CCDC43: variants seen among roughly 807,000 people sequenced by gnomAD.
CCDC43 encodes the protein coiled-coil domain-containing protein 43.
Under a neutral mutation model 33.3 loss-of-function variants are expected in CCDC43, and 20 were observed. The ratio of observed to expected loss-of-function variants is 0.60; its 90% CI spans 0.42 to 0.87. The LOEUF (loss-of-function observed/expected upper bound fraction) is 0.87, where lower values mean the gene tolerates loss of function less well. Ranked by LOEUF, CCDC43 falls within the 40% of genes least tolerant of loss-of-function variation. The pLI is 0.00. For missense variants in CCDC43, 248 were observed against 269.9 expected (o/e 0.92, Z 0.57); for synonymous variants, 104 against 106.5 (o/e 0.98, Z 0.14).
At chr17:44,688,673 G>A (rs1972277420) in intron 1 of CCDC43, among the ~76,000 whole-genome samples, 1 of 152,164 alleles carries the variant, frequency 6.6e-6, no homozygotes, top group Non-Finnish European at 1.5e-5. Flanking sequence ...GATGATTCAA[G>A]TAAATTTTAT....
intron 4 of CCDC43, among the ~76,000 whole-genome samples, chr17:44,679,694 C>A (rs1163010573): frequency 2.0e-5 from 3 of 152,008 alleles, no homozygotes; most frequent in African/African-American, 4.8e-5. Context: ...GAGATCGAGA[C>A]CATCCTGGCT....
intron 1 of CCDC43, among the ~76,000 whole-genome samples, chr17:44,687,134 AT>A (rs1314104126): frequency 1.4e-4 from 21 of 148,840 alleles, no homozygotes; most frequent in Non-Finnish European, 1.8e-4. Context: ...ACAAAAAAAA[AT>A]TTTTTTTTTT....
At position 44,689,632 on chromosome 17, in the gene CCDC43, C is replaced by T. The variant is rs925128308; in HGVS notation, c.122G>A (p.Gly41Glu). The T allele has an allele frequency of 4.3e-6, 7 of 1,613,860 alleles. No individual in the cohort carries two copies. In the Admixed American group the frequency reaches 1.2e-4, roughly 27 times the overall value. ...CTGCAGGATACCCAAGATGTAGGCT[C>T]CATAAACGGCTCGGTCCACTCCCAG... ...EALGVDRAVY[G>E]AYILGILQEE... The change falls in exon 1 of 5, where the codon GGA (glycine) becomes GAA (glutamate). Residue 41 changes from glycine (G) to glutamate (E), a missense_variant. Gly to Glu is a moderately conservative substitution (Grantham distance 98). Transcript: ENST00000315286.
rs1229539271 is a variant in CCDC43, at chr17:44,677,704, TTAAAAATG to T, written c.*1144_*1151del. 6.6e-6 allele frequency: 1 copy of T among 152,236 alleles called. No homozygotes were observed. Among genetic ancestry groups the T allele is most frequent in the African/African-American group, 2.4e-5 (1 of 41,464 alleles). 9.4% of individuals were successfully genotyped at this position (152,236 alleles called of 1,614,324 possible). A position where few individuals can be genotyped will look rare whatever the true frequency, so the allele number is the denominator to read the frequency against. ...ACATATTTTTTTCTTTTATAACTCT[TTAAAAATG>T]TAAAAATCATTTTTAGTTTGCACCA... On this transcript the variant is annotated 3_prime_UTR_variant, in exon 5 of 5. Transcript: ENST00000315286.
rs780640096 is a variant in CCDC43 at position 44,689,583 on chromosome 17, C to T, written c.171G>A (p.Leu57=). 1.2e-6 allele frequency: 2 copies of T among 1,614,012 alleles called. No individual in the cohort carries two copies. The highest frequency in any genetic ancestry group is 1.7e-6 in the Non-Finnish European group (2 of 1,179,886). Residue 57 remains leucine (L), a synonymous_variant, in exon 1 of 5, where the codon CTG becomes CTA. Coordinates refer to ENST00000315286, the MANE Select transcript of CCDC43 (RefSeq NM_144609.3). The part of the protein sequence containing the change: ...ILQEEEEEEK[L]DALQGILSAF... ...CAGAGAGGATCCCCTGCAGAGCGTC[C>T]AGCTTCTCTTCTTCCTCCTCCTCCT...
intron 4 of CCDC43, among the ~76,000 whole-genome samples, chr17:44,679,976 C>T (rs1216771486): frequency 6.6e-6 from 1 of 151,688 alleles, no homozygotes; most frequent in Non-Finnish European, 1.5e-5. Flanking sequence ...AAAATTTCAA[C>T]ATTATTTTAT....
rs200950161 is a variant in CCDC43 at position 44,678,990 on chromosome 17, G to A, written c.541C>T (p.Arg181Ter). 9 of 1,613,356 alleles carry A rather than the reference G, an allele frequency of 5.6e-6. No individual in the cohort carries two copies. The highest frequency in any genetic ancestry group is 3.3e-5 in the South Asian group (3 of 91,034). The change falls in exon 5 of 5, where the codon CGA becomes TGA. Residue 181 changes from arginine (R) to a stop codon, truncating the protein, a stop_gained. Transcript: ENST00000315286. LOFTEE classifies it high-confidence loss of function. Reference sequence around the variant, plus strand: ...TGGGATTCATCCCGAAGTGAGTCTCGCTCCAGTTTTCGGGCATTAAGGACA... The same window carrying A: ...TGGGATTCATCCCGAAGTGAGTCTCACTCCAGTTTTCGGGCATTAAGGACA... ...EDVLNARKLE[R>*]DSLRDESQRK... is the part of the protein sequence containing the mutation.
At chr17:44,679,372 T>C (rs1271230433) in intron 4 of CCDC43, among the ~76,000 whole-genome samples, 9 of 152,192 alleles carry the variant, frequency 5.9e-5, no homozygotes, top group Non-Finnish European at 1.5e-5. Flanking sequence ...TAAGTACTTA[T>C]ATCATTCAAT....
intron 2 of CCDC43, 94 bp from the exon 3 acceptor site, chr17:44,682,232 T>A: frequency 6.1e-6 from 9 of 1,466,500 alleles, no homozygotes; most frequent in Non-Finnish European, 8.5e-6. Context: ...ACTGAAGACA[T>A]TGGCATCTGC....
In CCDC43 at chr17:44,678,137, C is replaced by G. The variant is rs1301529115; in HGVS notation, c.*719G>C. 1 of 152,570 alleles carries G rather than the reference C, an allele frequency of 6.6e-6. No individual in the cohort carries two copies. The highest frequency in any genetic ancestry group is 1.5e-5 in the Non-Finnish European group (1 of 68,028). The allele number at this position is 152,570 out of a possible 1,614,324, so 9.5% of individuals were successfully genotyped here. ...TATGGAAAAATCAGGATTAAAATCT[C>G]TACCAGCACACAAGAGGATACATGA... On this transcript the variant is annotated 3_prime_UTR_variant, in exon 5 of 5. Coordinates refer to ENST00000315286, the MANE Select transcript of CCDC43 (RefSeq NM_144609.3).
chr17:44,678,469 A>G lies in CCDC43; in HGVS notation c.*387T>C, dbSNP rs757412769. 9.0e-5 allele frequency: 15 copies of G among 167,434 alleles called. No homozygotes were observed. The highest frequency in any genetic ancestry group is 1.7e-4 in the Non-Finnish European group (13 of 78,022). The allele number at this position is 167,434 out of a possible 1,614,324, so 10.4% of individuals were successfully genotyped here. On this transcript the variant is annotated 3_prime_UTR_variant, in exon 5 of 5. Coordinates refer to ENST00000315286, the MANE Select transcript of CCDC43 (RefSeq NM_144609.3). ...GAATACTGACTCCAAAGCAATGTGC[A>G]TGCCCACATTTTATCTCAGGGAGGG...
Position 44,678,193 on chromosome 17 carries a change from A to AT in CCDC43, c.*662dup, listed in dbSNP as rs1239020365. On this transcript the variant is annotated 3_prime_UTR_variant, in exon 5 of 5. Coordinates refer to ENST00000315286, the MANE Select transcript of CCDC43 (RefSeq NM_144609.3). ...CAAAATGAATCTAGCCAACAATGAT[A>AT]TCCTTGCACCCAATAGTGACACAGC... The AT allele has an allele frequency of 1.3e-5, 2 of 152,442 alleles. No homozygotes were observed. The highest frequency in any genetic ancestry group is 2.9e-5 in the Non-Finnish European group (2 of 68,030). 9.4% of individuals were successfully genotyped at this position (152,442 alleles called of 1,614,324 possible). A position where few individuals can be genotyped will look rare whatever the true frequency, so the allele number is the denominator to read the frequency against.
chr17:44,686,277 T>C (rs1972235413), intron 1 of CCDC43, among the ~76,000 whole-genome samples: 1 of 152,238 alleles, frequency 6.6e-6, no homozygotes, highest in Non-Finnish European at 1.5e-5. Flanking sequence ...TTATTATGTA[T>C]ATCCTTATTT....
intron 1 of CCDC43, chr17:44,687,929 G>T (rs1485505312): frequency 6.6e-6 from 1 of 152,152 alleles, no homozygotes; most frequent in East Asian, 1.9e-4. Flanking sequence ...AGAGGCTCTG[G>T]AACTCAAATG....
Position 44,678,966 on chromosome 17 carries a change from G to C in CCDC43, c.565C>G (p.Gln189Glu). The C allele has an allele frequency of 9.3e-6, 15 of 1,613,114 alleles. No homozygotes were observed. The highest frequency in any genetic ancestry group is 1.3e-5 in the Non-Finnish European group (15 of 1,179,748). The stretch of plus-strand genomic sequence containing the variant: ...AGCTTGTCCTGTTCCTTCTTCCTTT[G>C]GGATTCATCCCGAAGTGAGTCTCGC... ...LERDSLRDES[Q>E]RKKEQDKLQR... The change falls in exon 5 of 5, where the codon CAA (glutamine) becomes GAA (glutamate). Residue 189 changes from glutamine to glutamate, a missense_variant. Physicochemically the swap from Gln to Glu is conservative, Grantham distance 29. Coordinates refer to ENST00000315286, the MANE Select transcript of CCDC43 (RefSeq NM_144609.3).
At chr17:44,681,851 G>T in intron 3 of CCDC43, 152 bp downstream of exon 3, 1 of 806,892 alleles carries the variant, frequency 1.2e-6, no homozygotes, top group Non-Finnish European at 2.0e-6. Flanking sequence ...ATATCACTCC[G>T]CATATCCACA....
chr17:44,689,505 TCAGATGCTGGC>T, intron 1 of CCDC43, 34 bp downstream of exon 1: 1 of 1,612,568 alleles, frequency 6.2e-7, no homozygotes, highest in Non-Finnish European at 8.5e-7. Flanking sequence ...TGACAGGTCC[TCAGATGCTGGC>T]CAGAGGCTGA....
intron 3 of CCDC43, among the ~76,000 whole-genome samples, chr17:44,681,229 G>A (rs1972155758): frequency 1.3e-5 from 2 of 152,146 alleles, no homozygotes; most frequent in Admixed American, 6.5e-5. Context: ...ATGAGGTCAG[G>A]AGATCGAGAC....
rs565426544 is a variant in CCDC43, at chr17:44,678,622, T to C, written c.*234A>G. The C allele has an allele frequency of 2.5e-5, 10 of 403,968 alleles. No individual in the cohort carries two copies. In the South Asian group the frequency reaches 6.5e-4, roughly 26 times the overall value. The allele number at this position is 403,968 out of a possible 1,614,324, so 25.0% of individuals were successfully genotyped here. On this transcript the variant is annotated 3_prime_UTR_variant, in exon 5 of 5. Transcript: ENST00000315286. Reference sequence around the variant, plus strand: ...GGACTTGAGTATTAAAATATAAAGGTGGCCCCCATTCCAGATCTTTGGTAC... The same window carrying C: ...GGACTTGAGTATTAAAATATAAAGGCGGCCCCCATTCCAGATCTTTGGTAC...
Sources: allele counts gnomAD v4.1 joint callset (sites outside exome capture counted in the v4.1 genomes callset), GRCh38; gene constraint gnomAD v4.1.1; transcripts MANE v1.5; gene names NCBI Gene and HGNC (gene_info 2026-07-23, HGNC 2026-07-21).